Variants in PDGFC observed in about 807,000 individuals in gnomAD.
PDGFC encodes platelet-derived growth factor C.
In PDGFC, 12 loss-of-function variants were observed where a neutral mutation model predicts 35.5. The ratio of observed to expected loss-of-function variants is 0.34; its 90% confidence interval spans 0.22 to 0.55. The LOEUF (loss-of-function observed/expected upper bound fraction) is 0.55, where lower values mean the gene tolerates loss of function less well. PDGFC is among the 20% of genes least tolerant of loss of function. The pLI is 0.91. For missense variants in PDGFC, 322 were observed against 412.4 expected (o/e 0.78, Z 1.90); for synonymous variants, 159 against 148.8 (o/e 1.07, Z -0.50).
intron 1 of PDGFC, among the ~76,000 whole-genome samples, chr4:156,869,761 G>GT (rs1418485970): frequency 3.9e-5 from 6 of 151,950 alleles, no homozygotes; most frequent in African/African-American, 1.5e-4. Context: ...ATGCCTATTC[G>GT]TGTCTTTTTA....
At chr4:156,770,561 TATA>T (rs1730667993) in intron 4 of PDGFC, 3 of 152,080 alleles carry the variant, frequency 2.0e-5, no homozygotes, top group African/African-American at 7.2e-5. Flanking sequence ...ATAGCTTAAC[TATA>T]ATAATATTAA....
chr4:156,893,698 G>A (rs1730567574), intron 1 of PDGFC, among the ~76,000 whole-genome samples: 1 of 151,712 alleles, frequency 6.6e-6, no homozygotes, highest in Admixed American at 6.6e-5. Context: ...GCTTATGCAA[G>A]GACAATTACT....
chr4:156,852,779 G>T (rs1329794256), intron 1 of PDGFC, among the ~76,000 whole-genome samples: 1 of 152,208 alleles, frequency 6.6e-6, no homozygotes, highest in Non-Finnish European at 1.5e-5. Flanking sequence ...TACTTCAACA[G>T]GAGGGTGATT....
At chr4:156,834,429 T>G (rs1303343203) in intron 2 of PDGFC, among the ~76,000 whole-genome samples, 2 of 152,136 alleles carry the variant, frequency 1.3e-5, no homozygotes, top group Non-Finnish European at 2.9e-5. Context: ...CACAATCCCA[T>G]GAAATAATTT....
In PDGFC at chr4:156,971,702, G is replaced by C. The variant is rs1018251998; in HGVS notation, c.-799C>G. 6.6e-6 allele frequency among the ~76,000 whole-genome samples: 1 copy of C among 151,822 alleles called. No individual in the cohort carries two copies. The highest frequency in any genetic ancestry group is 2.1e-4 in the South Asian group (1 of 4,830). Reference sequence around the variant, plus strand: ...AAAGCCTGGGGCAATTCGGCCGCTCGGGGTCACCGCGGGGCTCCGGTTGTT... The same window carrying C: ...AAAGCCTGGGGCAATTCGGCCGCTCCGGGTCACCGCGGGGCTCCGGTTGTT... On this transcript the variant is annotated 5_prime_UTR_variant, in exon 1 of 6. Transcript: ENST00000502773.
chr4:156,816,148 C>A (rs1732079928), intron 2 of PDGFC, among the ~76,000 whole-genome samples: 1 of 152,136 alleles, frequency 6.6e-6, no homozygotes, highest in Admixed American at 6.5e-5. Flanking sequence ...ACCAAGCCTG[C>A]AAAACAGGCT....
chr4:156,764,499 T>C (rs1248334458), intron 5 of PDGFC, among the ~76,000 whole-genome samples: 2 of 152,168 alleles, frequency 1.3e-5, no homozygotes, highest in African/African-American at 4.8e-5. Context: ...CAGAGATGAA[T>C]TATTAGAGAG....
At chr4:156,812,356 T>A (rs1008797698) in intron 2 of PDGFC, among the ~76,000 whole-genome samples, 3 of 152,126 alleles carry the variant, frequency 2.0e-5, no homozygotes, top group Non-Finnish European at 4.4e-5. Flanking sequence ...TAATATAAAT[T>A]ACTTTGCTAT....
rs1730389262 is a variant in PDGFC, at chr4:156,762,020, T to C, written c.*1070A>G. ...GATCTGAATGTCTACTTTCATAAGT[T>C]GCTTTTTATTTTCATCTCCAATAAC... On this transcript the variant is annotated 3_prime_UTR_variant, in exon 6 of 6. Transcript: ENST00000502773. 1 of 152,668 alleles carries C rather than the reference T, an allele frequency of 6.6e-6. No individual in the cohort carries two copies. The highest frequency in any genetic ancestry group is 1.5e-5 in the Non-Finnish European group (1 of 68,044). 9.5% of individuals were successfully genotyped at this position (152,668 alleles called of 1,614,324 possible).
chr4:156,781,400 G>A (rs1213869179), intron 3 of PDGFC, among the ~76,000 whole-genome samples: 1 of 152,092 alleles, frequency 6.6e-6, no homozygotes, highest in East Asian at 1.9e-4. Context: ...ACAACAAATG[G>A]TCAATAGAGT....
intron 2 of PDGFC, chr4:156,842,318 A>G (rs1729224024): frequency 6.6e-6 from 1 of 152,172 alleles, no homozygotes; most frequent in South Asian, 2.1e-4. Flanking sequence ...GACCGATAAC[A>G]AAGAAAAAAG....
intron 3 of PDGFC, among the ~76,000 whole-genome samples, chr4:156,802,899 G>A (rs545258395): frequency 2.6e-5 from 4 of 152,216 alleles, no homozygotes; most frequent in South Asian, 2.1e-4. Flanking sequence ...AGTTATGCAA[G>A]GCTGCAAAAA....
intron 2 of PDGFC, among the ~76,000 whole-genome samples, chr4:156,811,448 A>C (rs1731930081): frequency 6.6e-6 from 1 of 151,908 alleles, no homozygotes; most frequent in South Asian, 2.1e-4. Flanking sequence ...CTCTTTCCTC[A>C]TCTGTGATGC....
At chr4:156,790,960 C>T (rs1003184681) in intron 3 of PDGFC, among the ~76,000 whole-genome samples, 1 of 152,178 alleles carries the variant, frequency 6.6e-6, no homozygotes, top group African/African-American at 2.4e-5. Flanking sequence ...GCATCAATTT[C>T]ACATCTTGAA....
At chr4:156,768,398 T>C (rs1730598994) in intron 4 of PDGFC, among the ~76,000 whole-genome samples, 1 of 151,756 alleles carries the variant, frequency 6.6e-6, no homozygotes, top group South Asian at 2.1e-4. Context: ...AAAAAACAAG[T>C]ATAATTCTTA....
At chr4:156,940,449 C>A (rs972810331) in intron 1 of PDGFC, among the ~76,000 whole-genome samples, 2 of 152,156 alleles carry the variant, frequency 1.3e-5, no homozygotes, top group Non-Finnish European at 2.9e-5. Context: ...TAAAACAATG[C>A]GTGAAATTCA....
At position 156,864,559 on chromosome 4, in the gene PDGFC, C is replaced by A. The variant is rs1729789785; in HGVS notation, c.119-14143G>T. Among the ~76,000 whole-genome samples, 4 of 152,012 alleles carry A rather than the reference C, an allele frequency of 2.6e-5. No homozygotes were observed. In the South Asian group the frequency reaches 8.3e-4, roughly 31 times the overall value. ...TTTGATATTTTTCTCTTCACAATTC[C>A]CCTCCTCACCACAATTCCAAGATGA... On this transcript the variant is annotated intron_variant, in intron 1 of 5. Transcript: ENST00000502773.
chr4:156,806,883 C>T (rs1308896969), intron 3 of PDGFC, among the ~76,000 whole-genome samples: 2 of 151,994 alleles, frequency 1.3e-5, no homozygotes, highest in Non-Finnish European at 2.9e-5. Context: ...ATTTTCCTTT[C>T]TTTCTAAAAG....
chr4:156,937,117 AAG>A (rs1168582386), intron 1 of PDGFC, among the ~76,000 whole-genome samples: 3 of 152,198 alleles, frequency 2.0e-5, no homozygotes, highest in Admixed American at 1.3e-4. Flanking sequence ...GTGCTGAAAA[AAG>A]AGATTTGAAA....
Sources: allele counts gnomAD v4.1 joint callset (sites outside exome capture counted in the v4.1 genomes callset), GRCh38; gene constraint gnomAD v4.1.1; transcripts MANE v1.5; gene names NCBI Gene and HGNC (gene_info 2026-07-23, HGNC 2026-07-21).